EMSY: variants seen among roughly 807,000 people sequenced by gnomAD.
EMSY encodes EMSY transcriptional repressor, BRCA2 interacting, also known as BRCA2-interacting transcriptional repressor EMSY.
Under a neutral mutation model 134.6 loss-of-function variants are expected in EMSY, and 26 were observed. The observed-to-expected ratio is 0.19, with a 90% CI of 0.14 to 0.27. EMSY has a LOEUF of 0.27. Ranked by LOEUF, EMSY falls within the 10% of genes least tolerant of loss-of-function variation. The pLI is 1.00. For synonymous variants in EMSY, 579 were observed against 577.8 expected (o/e 1.00, Z -0.03); for missense variants, 1,305 against 1,611.4 (o/e 0.81, Z 3.26).
chr11:76,470,929 T>C lies in EMSY; in HGVS notation c.832-1635T>C, dbSNP rs371614403. ...ACTATTCTCTCTGTCTGGAATGATT[T>C]GTCACTAAATCATCTACAGTTTTCT... On this transcript the variant is annotated intron_variant, in intron 7 of 20. Coordinates refer to ENST00000334736, the Ensembl canonical transcript of EMSY. Among the ~76,000 whole-genome samples the C allele has an allele frequency of 8.2e-4, 125 of 152,282 alleles. 1 individual carries two copies. The South Asian group carries it at 0.01, about 13-fold the overall frequency.
intron 18 of EMSY, among the ~76,000 whole-genome samples, chr11:76,542,870 C>T (rs987418599): frequency 6.7e-6 from 1 of 150,056 alleles, no homozygotes. Context: ...AGAGATGCAA[C>T]AGAAAGTTGA....
intron 1 of EMSY, among the ~76,000 whole-genome samples, chr11:76,445,809 T>G (rs1947360480): frequency 6.6e-6 from 1 of 152,046 alleles, no homozygotes; most frequent in Non-Finnish European, 1.5e-5. Context: ...AGGGAGAGGA[T>G]TCCTTTGGCT....
At position 76,460,291 on chromosome 11, in the gene EMSY, C is replaced by A. The variant is rs139056175; in HGVS notation, c.571+206C>A. ...AGTTCTGGGGTTTCAGAAGTGACTT[C>A]ATTTTCATTGTCTGTGGGTAATCTG... On this transcript the variant is annotated intron_variant, in intron 6 of 20. Coordinates refer to ENST00000334736, the Ensembl canonical transcript of EMSY. 4 of 490,918 alleles carry A rather than the reference C, an allele frequency of 8.1e-6. No homozygotes were observed. The East Asian group carries it at 9.2e-5, about 11-fold the overall frequency. The allele number at this position is 490,918 out of a possible 1,614,324, so 30.4% of individuals were successfully genotyped here. A position where few individuals can be genotyped will look rare whatever the true frequency, so the allele number is the denominator to read the frequency against.
intron 14 of EMSY, 108 bp downstream of exon 15, chr11:76,528,574 C>T: frequency 2.0e-6 from 1 of 505,334 alleles, no homozygotes. Flanking sequence ...TATGCTCTAT[C>T]AATTCTTTTC....
intron 7 of EMSY, among the ~76,000 whole-genome samples, chr11:76,471,424 A>G (rs1170652490): frequency 1.3e-5 from 2 of 152,150 alleles, no homozygotes; most frequent in South Asian, 2.1e-4. Context: ...CATTAATGTT[A>G]ATTAGATCCA....
At chr11:76,509,506 A>C (rs770463071) in intron 9 of EMSY, among the ~76,000 whole-genome samples, 13 of 152,352 alleles carry the variant, frequency 8.5e-5, no homozygotes, top group Middle Eastern at 3.4e-3. Context: ...AAAACAAAAA[A>C]CAAAAACAAA....
At chr11:76,473,837 AT>A (rs1039041514) in intron 8 of EMSY, among the ~76,000 whole-genome samples, 1 of 152,034 alleles carries the variant, frequency 6.6e-6, no homozygotes, top group African/African-American at 2.4e-5. Flanking sequence ...TACTAAAAAA[AT>A]ACAAAAATTA....
chr11:76,476,252 A>C (rs1331003501), intron 8 of EMSY, among the ~76,000 whole-genome samples: 1 of 152,228 alleles, frequency 6.6e-6, no homozygotes, highest in Non-Finnish European at 1.5e-5. Context: ...TTTAAGAGAC[A>C]CATAATGTCT....
intron 3 of EMSY, 136 bp downstream of exon 3, chr11:76,452,093 C>A: frequency 2.0e-6 from 1 of 507,296 alleles, no homozygotes; most frequent in Non-Finnish European, 3.4e-6. Context: ...CTAAGAGACT[C>A]CATCCCAGTT....
At chr11:76,462,542 G>T (rs978635588) in intron 6 of EMSY, among the ~76,000 whole-genome samples, 3 of 152,192 alleles carry the variant, frequency 2.0e-5, no homozygotes, top group South Asian at 2.1e-4. Context: ...GGGGAGAGGT[G>T]GATTAGCTTT....
chr11:76,447,092 T>C, intron 2 of EMSY, 84 bp downstream of exon 2: 4 of 1,285,934 alleles, frequency 3.1e-6, no homozygotes, highest in Non-Finnish European at 4.4e-6. Flanking sequence ...TGCATGGATG[T>C]CATATCTCAC....
At chr11:76,445,187 G>C (rs987099767) in intron 1 of EMSY, 59 bp downstream of exon 1, 1 of 153,006 alleles carries the variant, frequency 6.5e-6, no homozygotes, top group Middle Eastern at 3.4e-3. Context: ...GGCTAGAGGA[G>C]CGCCGGGCCA....
chr11:76,499,547 A>G (rs565963109), intron 9 of EMSY, among the ~76,000 whole-genome samples: 2 of 152,076 alleles, frequency 1.3e-5, no homozygotes, highest in African/African-American at 4.8e-5. Context: ...TCCACCTCCC[A>G]AAGTGCTGGT....
intron 2 of EMSY, among the ~76,000 whole-genome samples, chr11:76,448,825 T>C (rs1403009958): frequency 2.0e-5 from 3 of 152,168 alleles, no homozygotes; most frequent in African/African-American, 2.4e-5. Flanking sequence ...AAATTAGCTG[T>C]ATCCTTTAAA....
At chr11:76,451,523 G>A (rs191072945) in intron 2 of EMSY, among the ~76,000 whole-genome samples, 11 of 152,140 alleles carry the variant, frequency 7.2e-5, no homozygotes, top group Non-Finnish European at 1.5e-4. Context: ...TGCTGAAAAC[G>A]TCTCAGCCTT....
intron 12 of EMSY, among the ~76,000 whole-genome samples, chr11:76,525,302 A>G (rs1487987258): frequency 6.6e-6 from 1 of 152,210 alleles, no homozygotes; most frequent in Non-Finnish European, 1.5e-5. Flanking sequence ...CACCATTGGC[A>G]GATGCTTCAT....
At chr11:76,502,303 A>G (rs1327876691) in intron 9 of EMSY, among the ~76,000 whole-genome samples, 1 of 148,666 alleles carries the variant, frequency 6.7e-6, no homozygotes, top group Non-Finnish European at 1.5e-5. Flanking sequence ...AAAAAAAAAA[A>G]AAAAAAAAGC....
intron 8 of EMSY, among the ~76,000 whole-genome samples, chr11:76,490,815 G>A (rs1442527099): frequency 6.6e-6 from 1 of 151,974 alleles, no homozygotes; most frequent in Admixed American, 6.6e-5. Context: ...GTAATAATTA[G>A]AAGCTAAGAT....
chr11:76,466,644 A>G (rs1948364234), intron 7 of EMSY, among the ~76,000 whole-genome samples: 1 of 152,172 alleles, frequency 6.6e-6, no homozygotes, highest in Non-Finnish European at 1.5e-5. Flanking sequence ...ATGTCACTAT[A>G]TAATATATTA....
Sources: gnomAD v4.1 joint callset for allele counts (sites outside exome capture counted in the v4.1 genomes callset) on GRCh38, gnomAD v4.1.1 for gene constraint, MANE v1.5 for transcripts, NCBI Gene and HGNC (gene_info 2026-07-23, HGNC 2026-07-21) for gene names.